The following STAT3 variants were observed in gnomAD, a reference collection of about 807,000 sequenced individuals.
The protein encoded by STAT3 is signal transducer and activator of transcription 3.
STAT3 carries 7 observed loss-of-function variants against 114.3 expected under a neutral mutation model. The observed-to-expected ratio is 0.06, with a 90% CI of 0.03 to 0.11. The LOEUF is 0.11. Among genes scored for constraint, STAT3 ranks in the 10% least tolerant of loss-of-function variants. The probability of loss-of-function intolerance (pLI) is 1.00; values close to 1 mark genes in which losing one functional copy is unlikely to be tolerated. For missense variants in STAT3, 364 were observed against 960.9 expected, an observed-to-expected ratio of 0.38 and a Z score of 8.21; for synonymous variants, 331 against 354.5, an observed-to-expected ratio of 0.93 and a Z score of 0.74.
intron 1 of STAT3, among the ~76,000 whole-genome samples, chr17:42,367,372 A>G (rs1411869572): frequency 1.3e-5 from 2 of 149,890 alleles, no homozygotes; most frequent in Non-Finnish European, 3.0e-5. Context: ...AGATCATTTC[A>G]TTCCCCTGCT....
chr17:42,339,942 A>G (rs926727362), intron 4 of STAT3, among the ~76,000 whole-genome samples: 7 of 152,194 alleles, frequency 4.6e-5, no homozygotes, highest in African/African-American at 1.7e-4. Flanking sequence ...AAGTGGGAGG[A>G]CTGCTTGAGG....
At chr17:42,334,778 C>A (rs1358985116) in intron 8 of STAT3, among the ~76,000 whole-genome samples, 1 of 151,824 alleles carries the variant, frequency 6.6e-6, no homozygotes, top group Non-Finnish European at 1.5e-5. Context: ...TATTACTAGT[C>A]CCTTCCTAAA....
intron 5 of STAT3, 64 bp from the exon 6 acceptor site, chr17:42,338,876 T>TGG: frequency 6.9e-7 from 1 of 1,445,894 alleles, no homozygotes; most frequent in Non-Finnish European, 9.6e-7. Flanking sequence ...ACAGAAAATA[T>TGG]AAAGTTTCTG....
intron 21 of STAT3, among the ~76,000 whole-genome samples, chr17:42,318,020 C>A (rs1021089471): frequency 2.0e-5 from 3 of 152,144 alleles, no homozygotes; most frequent in African/African-American, 7.2e-5. Flanking sequence ...GTGGCACAAT[C>A]TCGGTTACCG....
At chr17:42,373,222 C>G (rs1307704205) in intron 1 of STAT3, among the ~76,000 whole-genome samples, 1 of 152,040 alleles carries the variant, frequency 6.6e-6, no homozygotes, top group African/African-American at 2.4e-5. Context: ...TGGTGGCAGA[C>G]AACTATAATC....
At chr17:42,351,732 G>A (rs1296588435) in intron 1 of STAT3, among the ~76,000 whole-genome samples, 1 of 152,056 alleles carries the variant, frequency 6.6e-6, no homozygotes, top group Middle Eastern at 3.4e-3. Context: ...AGGCCAATAC[G>A]CTTCTATAAA....
intron 1 of STAT3, among the ~76,000 whole-genome samples, chr17:42,370,913 T>A (rs1286953116): frequency 6.6e-6 from 1 of 152,182 alleles, no homozygotes; most frequent in South Asian, 2.1e-4. Context: ...CGGGCCTCCC[T>A]GTTAAGCCCA....
At chr17:42,366,774 A>G (rs1165830873) in intron 1 of STAT3, among the ~76,000 whole-genome samples, 1 of 151,718 alleles carries the variant, frequency 6.6e-6, no homozygotes, top group African/African-American at 2.4e-5. Flanking sequence ...AGATAGCTGG[A>G]CTAGGCTAAC....
At position 42,333,837 on chromosome 17, in the gene STAT3, G is replaced by GT; in HGVS notation, c.956+53dup. On this transcript the variant is annotated intron_variant, in intron 9 of 23. Coordinates refer to ENST00000264657, the MANE Select transcript of STAT3 (RefSeq NM_139276.3). The surrounding 1 kb of genome is among the most constrained non-coding windows in gnomAD (Gnocchi z 5.2). ...GTCAGCCCGCCTCTCACTCTACCACGTGAGTCTTTAGGTATTTTTTAGATG... is the reference window on the plus strand; with the variant it reads ...GTCAGCCCGCCTCTCACTCTACCACGTTGAGTCTTTAGGTATTTTTTAGATG... The GT allele has an allele frequency of 6.2e-7, 1 of 1,614,050 alleles. No homozygotes were observed.
intron 19 of STAT3, 35 bp from the exon 20 acceptor site, chr17:42,323,178 C>T: frequency 1.9e-6 from 3 of 1,614,216 alleles, no homozygotes; most frequent in Non-Finnish European, 2.5e-6. Context: ...GTTGTTATTG[C>T]TAACAGGGCA....
At chr17:42,350,648 C>T (rs545261721) in intron 1 of STAT3, among the ~76,000 whole-genome samples, 1 of 152,160 alleles carries the variant, frequency 6.6e-6, no homozygotes, top group Non-Finnish European at 1.5e-5. Context: ...CTTTGGGGGA[C>T]AGACTCAGAA....
At chr17:42,383,827 C>G (rs4796646) in intron 1 of STAT3, among the ~76,000 whole-genome samples, 142,610 of 152,234 alleles carry the variant, frequency 0.94, 67,510 homozygotes, top group East Asian at 1. Flanking sequence ...TTTTAAGTGC[C>G]AAAGACATAA....
intron 1 of STAT3, among the ~76,000 whole-genome samples, chr17:42,384,704 G>A (rs1017491950): frequency 1.6e-4 from 25 of 151,944 alleles, no homozygotes; most frequent in Non-Finnish European, 4.4e-5. Context: ...ACAGGTCCAC[G>A]CCACCAGGCC....
Position 42,337,419 on chromosome 17 carries a change from T to C in STAT3, c.797+16A>G. 6.2e-7 allele frequency: 1 copy of C among 1,612,474 alleles called. No homozygotes were observed. The highest frequency in any genetic ancestry group is 8.5e-7 in the Non-Finnish European group (1 of 1,178,628). The stretch of plus-strand genomic sequence containing the variant: ...AGCTTTCGAGAAAGAAAGGAAAAGC[T>C]TCTTTCATCCTTTACCAGTTTTCTA... On this transcript the variant is annotated intron_variant, in intron 8 of 23. Coordinates refer to ENST00000264657, the MANE Select transcript of STAT3 (RefSeq NM_139276.3). The surrounding 1 kb of genome is among the most constrained non-coding windows in gnomAD (Gnocchi z 4.0).
chr17:42,367,419 C>G (rs1184930038), intron 1 of STAT3, among the ~76,000 whole-genome samples: 1 of 152,040 alleles, frequency 6.6e-6, no homozygotes, highest in East Asian at 1.9e-4. Context: ...AGTCCTACCA[C>G]GGCCCACCAG....
At chr17:42,355,091 T>C (rs914549060) in intron 1 of STAT3, among the ~76,000 whole-genome samples, 6 of 152,210 alleles carry the variant, frequency 3.9e-5, no homozygotes, top group South Asian at 4.1e-4. Context: ...GCAGCTTTAC[T>C]GTAACTGTTT....
intron 4 of STAT3, among the ~76,000 whole-genome samples, chr17:42,340,406 C>T (rs912823594): frequency 5.9e-5 from 9 of 151,334 alleles, no homozygotes; most frequent in Admixed American, 1.3e-4. Context: ...GTAGCTCCCA[C>T]CTATAATCCT....
Position 42,333,911 on chromosome 17 carries a change from C to T in STAT3, c.936G>A (p.Leu312=), listed in dbSNP as rs1057443577. ...RPMLEERIVE[L]FRNLMKSAFV... ...ATTACCTTTTCATTAAGTTTCTAAA[C>T]AGCTCCACGATTCTCTCCTCCAGCA... The change falls in exon 9 of 24, where the codon CTG becomes CTA. Residue 312 remains leucine (L), a synonymous_variant. Coordinates refer to ENST00000264657, the MANE Select transcript of STAT3 (RefSeq NM_139276.3). The surrounding 1 kb of genome is among the most constrained non-coding windows in gnomAD (Gnocchi z 5.2). The T allele has an allele frequency of 1.2e-6, 2 of 1,614,060 alleles. No homozygotes were observed. The highest frequency in any genetic ancestry group is 1.6e-4 in the Middle Eastern group (1 of 6,084).
intron 14 of STAT3, 96 bp downstream of exon 14, chr17:42,329,314 G>A (rs776346239): frequency 5.8e-6 from 9 of 1,558,130 alleles, no homozygotes; most frequent in South Asian, 2.2e-5. Context: ...GAAAGAACAG[G>A]TTGATGTTTC....
Sources: gnomAD v4.1 joint callset for allele counts (sites outside exome capture counted in the v4.1 genomes callset) on GRCh38, gnomAD v4.1.1 for gene constraint, Gnocchi (gnomAD v3.1) non-coding constraint, MANE v1.5 for transcripts, NCBI Gene and HGNC (gene_info 2026-07-23, HGNC 2026-07-21) for gene names.